The following AGPAT4 variants were observed in gnomAD, a reference collection of about 807,000 sequenced individuals.
The protein encoded by AGPAT4 is 1-acyl-sn-glycerol-3-phosphate acyltransferase delta.
In AGPAT4, 15 loss-of-function variants were observed where a neutral mutation model predicts 48.0. The ratio of observed to expected loss-of-function variants is 0.31; its 90% confidence interval spans 0.21 to 0.48. The LOEUF is 0.48. Among genes scored for constraint, AGPAT4 ranks in the 20% least tolerant of loss-of-function variants. AGPAT4 has a pLI of 0.99. For missense variants in AGPAT4, 314 were observed against 482.5 expected, an observed-to-expected ratio of 0.65 and a Z score of 3.27; for synonymous variants, 178 against 198.7, an observed-to-expected ratio of 0.90 and a Z score of 0.88.
intron 1 of AGPAT4, among the ~76,000 whole-genome samples, chr6:161,248,472 G>T (rs573948610): frequency 6.6e-6 from 1 of 151,234 alleles, no homozygotes; most frequent in Non-Finnish European, 1.5e-5. Flanking sequence ...TCCTCGTGAG[G>T]CTGAGGCAGG....
rs755924199 is a variant in AGPAT4 at position 161,195,372 on chromosome 6, C to T, written c.179-28955G>A. Reference sequence around the variant, plus strand: ...CAAGCACTGCAGGACAACCATTGGGCGGGTTATAAACACCTTTCATTATAT... The same window carrying T: ...CAAGCACTGCAGGACAACCATTGGGTGGGTTATAAACACCTTTCATTATAT... On this transcript the variant is annotated intron_variant, in intron 2 of 8. Transcript: ENST00000320285. This position sits in a 1 kb window ranked among gnomAD's most constrained non-coding sequence, Gnocchi z 5.0. 2.6e-5 allele frequency among the ~76,000 whole-genome samples: 4 copies of T among 152,128 alleles called. No homozygotes were observed. The highest frequency in any genetic ancestry group is 2.1e-4 in the South Asian group (1 of 4,814).
rs1047278891 is a variant in AGPAT4 at position 161,154,525 on chromosome 6, C to T, written c.349-215G>A. Among the ~76,000 whole-genome samples, 5 of 152,272 alleles carry T rather than the reference C, an allele frequency of 3.3e-5. No homozygotes were observed. In the South Asian group the frequency reaches 1.0e-3, roughly 32 times the overall value. ...TGTGCTTGCCCTGCCAGTGTGGGAG[C>T]AGGGGGCAGGGGCACCCTGGTTCTC... On this transcript the variant is annotated intron_variant, in intron 3 of 8. Transcript: ENST00000320285. This position sits in a 1 kb window ranked among gnomAD's most constrained non-coding sequence, Gnocchi z 7.8.
At position 161,138,522 on chromosome 6, in the gene AGPAT4, G is replaced by A. The variant is rs904891851; in HGVS notation, c.1042+900C>T. ...CCACGTGCATCAAATTGTCATTAAC[G>A]ATTATCTGGGAAGTGGGCTCAATGG... On this transcript the variant is annotated intron_variant, in intron 8 of 8. Coordinates refer to ENST00000320285, the MANE Select transcript of AGPAT4 (RefSeq NM_020133.3). The surrounding 1 kb of genome is among the most constrained non-coding windows in gnomAD (Gnocchi z 4.8). 6.6e-6 allele frequency among the ~76,000 whole-genome samples: 1 copy of A among 152,278 alleles called. No individual in the cohort carries two copies. The highest frequency in any genetic ancestry group is 1.9e-4 in the East Asian group (1 of 5,164).
intron 2 of AGPAT4, among the ~76,000 whole-genome samples, chr6:161,203,507 GC>G (rs1781299824): frequency 6.7e-6 from 1 of 149,344 alleles, no homozygotes; most frequent in South Asian, 2.1e-4. Context: ...TCCTGCCCCG[GC>G]CCCCCAAGAA....
intron 2 of AGPAT4, among the ~76,000 whole-genome samples, chr6:161,176,822 T>C (rs1036315048): frequency 2.6e-5 from 4 of 152,224 alleles, no homozygotes; most frequent in Admixed American, 6.5e-5. Context: ...AGGAGCTCTT[T>C]GTAAGGCAGG....
At chr6:161,151,951 C>T (rs1252859604) in intron 5 of AGPAT4, among the ~76,000 whole-genome samples, 1 of 152,232 alleles carries the variant, frequency 6.6e-6, no homozygotes. Context: ...GCAAGAGAGA[C>T]ATTTAGGCAG....
Position 161,166,104 on chromosome 6 carries a change from A to T in AGPAT4, c.348+144T>A. ...TTAAGACTGACTCCCAGCAAGAATA[A>T]AAAGCAGTTTATTAGGACCATTTCA... On this transcript the variant is annotated intron_variant, in intron 3 of 8. Transcript: ENST00000320285. This position sits in a 1 kb window ranked among gnomAD's most constrained non-coding sequence, Gnocchi z 6.7. The T allele has an allele frequency of 9.0e-7, 1 of 1,116,116 alleles. No homozygotes were observed. Among genetic ancestry groups the T allele is most frequent in the Non-Finnish European group, 1.3e-6 (1 of 782,992 alleles). 69.1% of individuals were successfully genotyped at this position (1,116,116 alleles called of 1,614,324 possible).
chr6:161,179,353 A>G (rs1780521443), intron 2 of AGPAT4, among the ~76,000 whole-genome samples: 1 of 152,222 alleles, frequency 6.6e-6, no homozygotes, highest in South Asian at 2.1e-4. Flanking sequence ...ACATGATTGC[A>G]GTGCGGGGGG....
In AGPAT4 at chr6:161,202,784, C is replaced by T. The variant is rs1762912914; in HGVS notation, c.178+29252G>A. 6.6e-6 allele frequency among the ~76,000 whole-genome samples: 1 copy of T among 152,148 alleles called. No individual in the cohort carries two copies. Among genetic ancestry groups the T allele is most frequent in the South Asian group, 2.1e-4 (1 of 4,822 alleles). ...ATGACTCTCAAGGCCAGGTCATAAC[C>T]TTATGCCCCGTGAATGGGGACACTG... is the stretch of plus-strand genomic sequence containing the variant. On this transcript the variant is annotated intron_variant, in intron 2 of 8. Transcript: ENST00000320285. This position sits in a 1 kb window ranked among gnomAD's most constrained non-coding sequence, Gnocchi z 5.4.
chr6:161,240,221 TACACACACAC>T lies in AGPAT4; in HGVS notation c.-89-7929_-89-7920del, dbSNP rs58550351. On this transcript the variant is annotated intron_variant, in intron 1 of 8. Coordinates refer to ENST00000320285, the MANE Select transcript of AGPAT4 (RefSeq NM_020133.3). The surrounding 1 kb of genome is among the most constrained non-coding windows in gnomAD (Gnocchi z 5.5). ...CACTAACAGCAGATATCTTTGTGTA[TACACACACAC>T]ACACACACACACACACACACACACA... is the stretch of plus-strand genomic sequence containing the variant. 0.23 allele frequency among the ~76,000 whole-genome samples: 33,036 copies of T among 144,274 alleles called. 3,744 individuals are homozygous for T. The highest frequency in any genetic ancestry group is 0.28 in the South Asian group (1,203 of 4,304). 94.6% of individuals were successfully genotyped at this position (144,274 alleles called of 152,430 possible). A position where few individuals can be genotyped will look rare whatever the true frequency, so the allele number is the denominator to read the frequency against.
rs1235645233 is a variant in AGPAT4, at chr6:161,234,200, G to C, written c.-89-1898C>G. On this transcript the variant is annotated intron_variant, in intron 1 of 8. Transcript: ENST00000320285. The surrounding 1 kb of genome is among the most constrained non-coding windows in gnomAD (Gnocchi z 4.4). The stretch of plus-strand genomic sequence containing the variant: ...CTCTGAGGATGGTTTCGGGCATATG[G>C]AGAGTCACAGGGAGGCATGTTTGCA... 6.6e-6 allele frequency among the ~76,000 whole-genome samples: 1 copy of C among 152,192 alleles called. No individual in the cohort carries two copies. The highest frequency in any genetic ancestry group is 1.5e-5 in the Non-Finnish European group (1 of 68,038).
In AGPAT4 at chr6:161,225,429, G is replaced by T. The variant is rs1254375507; in HGVS notation, c.178+6607C>A. 6.6e-6 allele frequency among the ~76,000 whole-genome samples: 1 copy of T among 152,194 alleles called. No individual in the cohort carries two copies. The highest frequency in any genetic ancestry group is 1.5e-5 in the Non-Finnish European group (1 of 68,042). ...ATCTGTAAGGGTGCACCCTTCTATA[G>T]AAGTAACTTGCCTTGCTGAGAATTA... On this transcript the variant is annotated intron_variant, in intron 2 of 8. Transcript: ENST00000320285. This position sits in a 1 kb window ranked among gnomAD's most constrained non-coding sequence, Gnocchi z 5.0.
chr6:161,130,382 A>C lies in AGPAT4; in HGVS notation c.*6158T>G, dbSNP rs542301829. The stretch of plus-strand genomic sequence containing the variant: ...GCTTTTATGTACTGAAAAGTCATCC[A>C]TTGAATGGTCTGTTCCTGAATGTCG... On this transcript the variant is annotated 3_prime_UTR_variant, in exon 9 of 9. Coordinates refer to ENST00000320285, the MANE Select transcript of AGPAT4 (RefSeq NM_020133.3). 1.3e-5 allele frequency: 2 copies of C among 154,546 alleles called. No homozygotes were observed. Among genetic ancestry groups the C allele is most frequent in the Non-Finnish European group, 2.9e-5 (2 of 69,522 alleles). 9.6% of individuals were successfully genotyped at this position (154,546 alleles called of 1,614,324 possible). A position where few individuals can be genotyped will look rare whatever the true frequency, so the allele number is the denominator to read the frequency against.
rs79359197 is a variant in AGPAT4 at position 161,242,180 on chromosome 6, G to A, written c.-89-9878C>T. ...ATTGCCATTCTCACATTATAGATGC[G>A]AAAACCGAGGTTTAGTTAGAGGAGG... On this transcript the variant is annotated intron_variant, in intron 1 of 8. Coordinates refer to ENST00000320285, the MANE Select transcript of AGPAT4 (RefSeq NM_020133.3). The surrounding 1 kb of genome is among the most constrained non-coding windows in gnomAD (Gnocchi z 5.0). 0.014 allele frequency among the ~76,000 whole-genome samples: 2,141 copies of A among 152,284 alleles called. 57 individuals are homozygous for A. Among genetic ancestry groups the A allele is most frequent in the African/African-American group, 0.049 (2,041 of 41,544 alleles).
In AGPAT4 at chr6:161,184,962, C is replaced by A. The variant is rs1006630839; in HGVS notation, c.179-18545G>T. 1.3e-5 allele frequency among the ~76,000 whole-genome samples: 2 copies of A among 151,962 alleles called. No individual in the cohort carries two copies. Among genetic ancestry groups the A allele is most frequent in the Admixed American group, 1.3e-4 (2 of 15,252 alleles). On this transcript the variant is annotated intron_variant, in intron 2 of 8. Coordinates refer to ENST00000320285, the MANE Select transcript of AGPAT4 (RefSeq NM_020133.3). This position sits in a 1 kb window ranked among gnomAD's most constrained non-coding sequence, Gnocchi z 4.8. ...AGGTTAAACGCCCTCACGATGAGCA[C>A]CCACACACCCAGAGCACAGGAGGTT...
In AGPAT4 at chr6:161,134,831, T is replaced by G. The variant is rs1254240161; in HGVS notation, c.*1709A>C. 1 of 152,304 alleles carries G rather than the reference T, an allele frequency of 6.6e-6. No individual in the cohort carries two copies. The highest frequency in any genetic ancestry group is 2.4e-5 in the African/African-American group (1 of 41,472). The allele number at this position is 152,304 out of a possible 1,614,324, so 9.4% of individuals were successfully genotyped here. ...GCCCACAGATCTCTGCACACGGTGC[T>G]TCATGCCCTGTGCAGGGTGGGCAGA... On this transcript the variant is annotated 3_prime_UTR_variant, in exon 9 of 9. Transcript: ENST00000320285.
chr6:161,161,661 C>T lies in AGPAT4; in HGVS notation c.348+4587G>A, dbSNP rs1387592509. Reference sequence around the variant, plus strand: ...TATCTGGAAACTTCTAACTTCTCTTCAGCCAAAGAGCCCTTGACAAGTGCA... The same window carrying T: ...TATCTGGAAACTTCTAACTTCTCTTTAGCCAAAGAGCCCTTGACAAGTGCA... On this transcript the variant is annotated intron_variant, in intron 3 of 8. Coordinates refer to ENST00000320285, the MANE Select transcript of AGPAT4 (RefSeq NM_020133.3). This position sits in a 1 kb window ranked among gnomAD's most constrained non-coding sequence, Gnocchi z 4.6. 1 of 360,730 alleles carries T rather than the reference C, an allele frequency of 2.8e-6. No individual in the cohort carries two copies. Among genetic ancestry groups the T allele is most frequent in the East Asian group, 7.4e-5 (1 of 13,538 alleles). The allele number at this position is 360,730 out of a possible 1,614,324, so 22.3% of individuals were successfully genotyped here.
At position 161,208,985 on chromosome 6, in the gene AGPAT4, A is replaced by C. The variant is rs1414744611; in HGVS notation, c.178+23051T>G. Among the ~76,000 whole-genome samples the C allele has an allele frequency of 2.0e-5, 3 of 152,242 alleles. No homozygotes were observed. The highest frequency in any genetic ancestry group is 4.4e-5 in the Non-Finnish European group (3 of 68,042). ...CGGCAATCATGACCTTGTGTTAATT[A>C]CTGGGGAAGAAAACGCACATCGAAC... On this transcript the variant is annotated intron_variant, in intron 2 of 8. Coordinates refer to ENST00000320285, the MANE Select transcript of AGPAT4 (RefSeq NM_020133.3). This position sits in a 1 kb window ranked among gnomAD's most constrained non-coding sequence, Gnocchi z 4.6.
At chr6:161,227,884 G>GA (rs140637350) in intron 2 of AGPAT4, among the ~76,000 whole-genome samples, 152,267 of 152,268 alleles carry the variant, frequency 1, 76,133 homozygotes, top group Middle Eastern at 1. Flanking sequence ...TGGGGGTGGT[G>GA]AAAGGAAGTA....
Sources: allele counts gnomAD v4.1 joint callset (sites outside exome capture counted in the v4.1 genomes callset), GRCh38; gene constraint gnomAD v4.1.1; non-coding constraint Gnocchi (gnomAD v3.1); transcripts MANE v1.5; gene names NCBI Gene and HGNC (gene_info 2026-07-23, HGNC 2026-07-21).